UGT2A3: variants seen among roughly 807,000 people sequenced by gnomAD.
UGT2A3 encodes UDP-glucuronosyltransferase 2A3.
A neutral mutation model predicts 44.1 loss-of-function variants in UGT2A3; 55 were observed. The observed-to-expected ratio is 1.25, with a 90% CI of 1.00 to 1.56. UGT2A3 has a LOEUF of 1.56. Among genes scored for constraint, UGT2A3 ranks in the 40% most tolerant of loss-of-function variants. The pLI is 0.00. For synonymous variants in UGT2A3, 243 were observed against 215.1 expected, an observed-to-expected ratio of 1.13 and a Z score of -1.13; for missense variants, 733 against 621.6, an observed-to-expected ratio of 1.18 and a Z score of -1.91.
chr4:68,945,137 C>G (rs535363369), intron 2 of UGT2A3, among the ~76,000 whole-genome samples, 169 bp downstream of exon 2: 58 of 151,468 alleles, frequency 3.8e-4, no homozygotes, highest in South Asian at 1.7e-3. Flanking sequence ...AATATAATAC[C>G]GAAAAGACAT....
At chr4:68,943,893 C>A (rs1453999319) in intron 2 of UGT2A3, among the ~76,000 whole-genome samples, 1 of 151,712 alleles carries the variant, frequency 6.6e-6, no homozygotes, top group Non-Finnish European at 1.5e-5. Flanking sequence ...TTGCATTAAA[C>A]CTACCAATTA....
intron 2 of UGT2A3, among the ~76,000 whole-genome samples, chr4:68,944,710 A>G (rs941686403): frequency 2.0e-5 from 3 of 151,752 alleles, no homozygotes; most frequent in Non-Finnish European, 2.9e-5. Flanking sequence ...ACCTCACCTA[A>G]CATTCTCACG....
chr4:68,942,465 T>A (rs1296403388), intron 2 of UGT2A3, among the ~76,000 whole-genome samples: 9 of 147,994 alleles, frequency 6.1e-5, no homozygotes, highest in South Asian at 2.1e-4. Flanking sequence ...ATTTCTATTA[T>A]ATATTAACTT....
intron 1 of UGT2A3, among the ~76,000 whole-genome samples, chr4:68,948,792 G>C (rs922751095): frequency 6.6e-6 from 1 of 151,752 alleles, no homozygotes; most frequent in Non-Finnish European, 1.5e-5. Flanking sequence ...TTTTTGGCCT[G>C]TCCCAGGCTT....
intron 2 of UGT2A3, among the ~76,000 whole-genome samples, chr4:68,936,368 G>T (rs965179925): frequency 6.6e-6 from 1 of 151,802 alleles, no homozygotes; most frequent in African/African-American, 2.4e-5. Flanking sequence ...GGATCTCTCA[G>T]CAAACCCTAC....
intron 2 of UGT2A3, among the ~76,000 whole-genome samples, chr4:68,942,690 C>T (rs13132528): frequency 0.73 from 110,396 of 150,838 alleles, 41,964 homozygotes; most frequent in Non-Finnish European, 0.86. Flanking sequence ...ATCCCTTATA[C>T]GTGGAATCAA....
intron 2 of UGT2A3, among the ~76,000 whole-genome samples, chr4:68,936,565 T>G (rs2109782923): frequency 6.6e-6 from 1 of 152,182 alleles, no homozygotes; most frequent in South Asian, 2.1e-4. Flanking sequence ...AAGGAAGCAC[T>G]TAACATGGAA....
intron 5 of UGT2A3, 139 bp downstream of exon 5, chr4:68,930,407 C>T: frequency 1.2e-6 from 1 of 863,864 alleles, no homozygotes; most frequent in Non-Finnish European, 1.7e-6. Flanking sequence ...CACAACTATT[C>T]CAGTAACAAG....
intron 1 of UGT2A3, among the ~76,000 whole-genome samples, chr4:68,946,597 A>G (rs1718391988): frequency 6.6e-6 from 1 of 151,770 alleles, no homozygotes; most frequent in Admixed American, 6.6e-5. Context: ...GACTCATTTA[A>G]GAAAGACTCA....
rs1022414144 is a variant in UGT2A3, at chr4:68,928,497, T to C, written c.*1316A>G. ...AGTAAACAATTTTATTTATATTTAT[T>C]GTATACATACACAAGAAAAATACTT... On this transcript the variant is annotated 3_prime_UTR_variant, in exon 6 of 6. Coordinates refer to ENST00000251566, the MANE Select transcript of UGT2A3 (RefSeq NM_024743.4). 6.6e-6 allele frequency: 1 copy of C among 152,088 alleles called. No individual in the cohort carries two copies. The highest frequency in any genetic ancestry group is 1.5e-5 in the Non-Finnish European group (1 of 68,002). 9.4% of individuals were successfully genotyped at this position (152,088 alleles called of 1,614,324 possible).
intron 3 of UGT2A3, among the ~76,000 whole-genome samples, chr4:68,931,823 T>C (rs554314764): frequency 1.2e-4 from 19 of 152,036 alleles, no homozygotes; most frequent in Non-Finnish European, 2.6e-4. Context: ...ACCTTTTTTT[T>C]ACACAATTTT....
chr4:68,934,049 T>TA (rs11462731), intron 2 of UGT2A3, among the ~76,000 whole-genome samples: 18,503 of 151,146 alleles, frequency 0.12, 1,571 homozygotes, highest in Admixed American at 0.24. Context: ...CAAGTATTGT[T>TA]AAAAAAAAAC....
At chr4:68,930,331 G>A (rs184949287) in intron 5 of UGT2A3, among the ~76,000 whole-genome samples, 18 of 152,096 alleles carry the variant, frequency 1.2e-4, no homozygotes, top group African/African-American at 9.6e-5. Flanking sequence ...AGCTTAGTAA[G>A]CCAGTTGTTA....
At chr4:68,947,762 A>T (rs981811879) in intron 1 of UGT2A3, among the ~76,000 whole-genome samples, 3 of 151,826 alleles carry the variant, frequency 2.0e-5, no homozygotes, top group Non-Finnish European at 4.4e-5. Flanking sequence ...ATATCTGTAC[A>T]TCTTAATCAG....
chr4:68,951,238 C>T lies in UGT2A3; in HGVS notation c.523G>A (p.Gly175Arg). 1.2e-6 allele frequency: 2 copies of T among 1,611,456 alleles called. No homozygotes were observed. Among genetic ancestry groups the T allele is most frequent in the Non-Finnish European group, 1.7e-6 (2 of 1,178,816 alleles). Residue 175 changes from glycine to arginine, a missense_variant, in exon 1 of 6, where the codon GGA becomes AGA. Coordinates refer to ENST00000251566, the MANE Select transcript of UGT2A3 (RefSeq NM_024743.4). The part of the protein sequence containing the change: ...PFVLTLRISV[G>R]GNMERSCGKL... The stretch of plus-strand genomic sequence containing the variant: ...CCACAGCTTCGCTCCATATTGCCTC[C>T]TACAGAAATTCTAAGTGTGAGCACA...
At position 68,929,972 on chromosome 4, in the gene UGT2A3, T is replaced by A; in HGVS notation, c.1425A>T (p.Arg475=). 6.2e-7 allele frequency: 1 copy of A among 1,613,656 alleles called. No homozygotes were observed. The highest frequency in any genetic ancestry group is 1.1e-5 in the South Asian group (1 of 91,078). The stretch of plus-strand genomic sequence containing the variant: ...ACCAGGTGAGGTCATGGGCAGCTGA[T>A]CGCAGGTGCTTGGCTCCTTTGTGGC... ...VMRHKGAKHL[R]SAAHDLTWFQ... The change falls in exon 6 of 6, where the codon CGA becomes CGT. Residue 475 remains arginine, a synonymous_variant. Coordinates refer to ENST00000251566, the MANE Select transcript of UGT2A3 (RefSeq NM_024743.4).
rs778459452 is a variant in UGT2A3 at position 68,932,697 on chromosome 4, T to A, written c.927A>T (p.Ser309=). Residue 309 remains serine, a synonymous_variant, in exon 3 of 6, where the codon TCA becomes TCT. Transcript: ENST00000251566. ...EDGIVVFSLG[S]LFQNVTEEKA... is the part of the protein sequence containing the mutation. ...TTTCTTCTGTAACATTTTGAAACAG[T>A]GACCCCAGAGAAAACACCACAATAC... 17 of 1,612,106 alleles carry A rather than the reference T, an allele frequency of 1.1e-5. No individual in the cohort carries two copies. In the South Asian group the frequency reaches 1.6e-4, roughly 16 times the overall value.
chr4:68,930,838 A>G (rs1284222463), intron 4 of UGT2A3, 73 bp from the exon 5 acceptor site: 4 of 1,268,028 alleles, frequency 3.2e-6, no homozygotes, highest in South Asian at 1.6e-5. Flanking sequence ...AAGACTACAG[A>G]TGGGAATTAC....
Position 68,930,688 on chromosome 4 carries a change from T to G in UGT2A3, c.1162A>C (p.Met388Leu), listed in dbSNP as rs534470191. Residue 388 changes from methionine to leucine, a missense_variant, in exon 5 of 6, where the codon ATG becomes CTG. By Grantham distance (15) the Met-to-Leu change is conservative (BLOSUM62 2). Transcript: ENST00000251566. Reference protein sequence around the residue: ...IYEAIYHGVPMVGVPIFGDQL... With the variant: ...IYEAIYHGVPLVGVPIFGDQL... ...TCACCAAATATGGGAACTCCCACCATAGGGACCCCATGGTAAATAGCTTCA... is the reference window on the plus strand; with the variant it reads ...TCACCAAATATGGGAACTCCCACCAGAGGGACCCCATGGTAAATAGCTTCA... 1 of 1,613,370 alleles carries G rather than the reference T, an allele frequency of 6.2e-7. No individual in the cohort carries two copies. Among genetic ancestry groups the G allele is most frequent in the East Asian group, 2.2e-5 (1 of 44,818 alleles).
Sources: allele counts gnomAD v4.1 joint callset (sites outside exome capture counted in the v4.1 genomes callset), GRCh38; gene constraint gnomAD v4.1.1; transcripts MANE v1.5; gene names NCBI Gene and HGNC (gene_info 2026-07-23, HGNC 2026-07-21).